POR: variants seen among roughly 807,000 people sequenced by gnomAD.
POR encodes the protein cytochrome p450 oxidoreductase, also known as NADPH--cytochrome P450 reductase.
A neutral mutation model predicts 84.0 loss-of-function variants in POR; 56 were observed. The ratio of observed to expected loss-of-function variants is 0.67; its 90% CI spans 0.54 to 0.83. The LOEUF (loss-of-function observed/expected upper bound fraction) is 0.83, where lower values mean the gene tolerates loss of function less well. Ranked by LOEUF, POR falls within the 40% of genes least tolerant of loss-of-function variation. The probability of loss-of-function intolerance (pLI) is 0.00; values close to 1 mark genes in which losing one functional copy is unlikely to be tolerated. For synonymous variants in POR, 414 were observed against 400.5 expected (o/e 1.03, Z -0.40); for missense variants, 938 against 944.3 (o/e 0.99, Z 0.09).
intron 2 of POR, among the ~76,000 whole-genome samples, chr7:75,955,367 C>G (rs1348613146): frequency 1.3e-5 from 2 of 152,212 alleles, no homozygotes; most frequent in African/African-American, 4.8e-5. Flanking sequence ...GAAGGTCTGC[C>G]TAAGTGACTG....
rs565028892 is a variant in POR, at chr7:75,937,399, G to A, written c.-4-16590G>A. Among the ~76,000 whole-genome samples the A allele has an allele frequency of 2.2e-3, 330 of 149,750 alleles. 2 individuals carry two copies. Among genetic ancestry groups the A allele is most frequent in the African/African-American group, 7.4e-3 (302 of 40,546 alleles). On this transcript the variant is annotated intron_variant, in intron 1 of 15. Transcript: ENST00000461988. ...AGGCAGGAGAATTGCTTGAACCTGG[G>A]AGGCGGAGGTTGCAGTGAGCCTAGA... is the stretch of plus-strand genomic sequence containing the variant.
chr7:75,933,016 C>T (rs1219284032), intron 1 of POR, among the ~76,000 whole-genome samples: 1 of 145,366 alleles, frequency 6.9e-6, no homozygotes, highest in Non-Finnish European at 1.5e-5. Flanking sequence ...CAGAGCGAGA[C>T]TCCATCTGAA....
chr7:75,923,770 C>A (rs1456159861), intron 1 of POR, among the ~76,000 whole-genome samples: 4 of 152,054 alleles, frequency 2.6e-5, no homozygotes, highest in African/African-American at 9.7e-5. Context: ...CGCCTGTAAT[C>A]CCAGCTACTG....
intron 1 of POR, among the ~76,000 whole-genome samples, chr7:75,934,793 C>T (rs1807588535): frequency 6.6e-6 from 1 of 152,212 alleles, no homozygotes; most frequent in Non-Finnish European, 1.5e-5. Flanking sequence ...GGGTGAAAGC[C>T]ATGAGCCTTG....
intron 12 of POR, 54 bp downstream of exon 12, chr7:75,985,261 C>A: frequency 7.2e-6 from 11 of 1,517,330 alleles, no homozygotes; most frequent in Non-Finnish European, 9.7e-6. Flanking sequence ...GCCCTGCTCA[C>A]AGCAGGCAGA....
At chr7:75,974,114 C>T (rs1375186744) in intron 3 of POR, among the ~76,000 whole-genome samples, 5 of 152,168 alleles carry the variant, frequency 3.3e-5, no homozygotes, top group African/African-American at 1.2e-4. Context: ...CACTGTAACG[C>T]ACTTAACCCT....
At chr7:75,971,660 A>T (rs570242441) in intron 2 of POR, among the ~76,000 whole-genome samples, 1 of 152,234 alleles carries the variant, frequency 6.6e-6, no homozygotes, top group East Asian at 1.9e-4. Context: ...GAGAAGGGAA[A>T]AATGAAATGT....
At chr7:75,933,270 C>T (rs1399366278) in intron 1 of POR, among the ~76,000 whole-genome samples, 4 of 151,232 alleles carry the variant, frequency 2.6e-5, no homozygotes, top group Non-Finnish European at 5.9e-5. Flanking sequence ...TGCATTACCT[C>T]ACACCTTTTT....
intron 1 of POR, among the ~76,000 whole-genome samples, chr7:75,919,325 C>T (rs1554548509): frequency 6.6e-6 from 1 of 151,854 alleles, no homozygotes; most frequent in African/African-American, 2.4e-5. Flanking sequence ...GAGATGTTTA[C>T]ATCAGTTGTG....
chr7:75,934,479 A>T (rs1269857880), intron 1 of POR, among the ~76,000 whole-genome samples: 1 of 152,148 alleles, frequency 6.6e-6, no homozygotes, highest in Non-Finnish European at 1.5e-5. Context: ...AGAAAGAAAA[A>T]ACTTTTTCAA....
intron 1 of POR, among the ~76,000 whole-genome samples, chr7:75,926,395 G>T (rs1807128255): frequency 6.6e-6 from 1 of 152,166 alleles, no homozygotes; most frequent in African/African-American, 2.4e-5. Flanking sequence ...AAGCAGCACG[G>T]CTCTGTTCCG....
intron 1 of POR, chr7:75,947,216 C>T (rs1241465919): frequency 2.6e-5 from 4 of 152,110 alleles, no homozygotes; most frequent in Admixed American, 6.5e-5. Flanking sequence ...ACTCCACAAA[C>T]GAAGGACATT....
chr7:75,931,157 C>T (rs1807398250), intron 1 of POR, among the ~76,000 whole-genome samples: 1 of 152,016 alleles, frequency 6.6e-6, no homozygotes, highest in African/African-American at 2.4e-5. Context: ...CAAAAGGAAA[C>T]AATCCAAGTA....
At position 75,985,046 on chromosome 7, in the gene POR, C is replaced by A; in HGVS notation, c.1249-12C>A. On this transcript the variant is annotated splice_polypyrimidine_tract_variant and intron_variant, in intron 11 of 15. Coordinates refer to ENST00000461988, the MANE Select transcript of POR (RefSeq NM_000941.3). The stretch of plus-strand genomic sequence containing the variant: ...GCCCCAATCAGCCCCATCTCACCCC[C>A]GTGTCTCTTAGGAGCTGTACCTGAG... The A allele has an allele frequency of 6.3e-7, 1 of 1,590,414 alleles. No homozygotes were observed. Among genetic ancestry groups the A allele is most frequent in the Non-Finnish European group, 8.5e-7 (1 of 1,172,112 alleles).
chr7:75,923,146 TC>T, intron 1 of POR: 1 of 1,043,324 alleles, frequency 9.6e-7, no homozygotes, highest in Non-Finnish European at 1.5e-6. Context: ...AAATCTGAAG[TC>T]TGTCCAGAAA....
chr7:75,978,350 T>C (rs1280196872), intron 3 of POR, among the ~76,000 whole-genome samples: 9 of 152,208 alleles, frequency 5.9e-5, no homozygotes, highest in African/African-American at 2.2e-4. Flanking sequence ...ACTGTCATCT[T>C]ACTGTTCCCT....
intron 1 of POR, among the ~76,000 whole-genome samples, chr7:75,917,671 T>C (rs1384353073): frequency 6.6e-6 from 1 of 151,734 alleles, no homozygotes; most frequent in Non-Finnish European, 1.5e-5. Context: ...TGAGATGGAG[T>C]CTCGCTCTGT....
chr7:75,945,770 C>A (rs1326931494), intron 1 of POR, among the ~76,000 whole-genome samples: 1 of 152,182 alleles, frequency 6.6e-6, no homozygotes, highest in African/African-American at 2.4e-5. Context: ...AAGTTTTATT[C>A]TTTCCTTTCT....
intron 1 of POR, among the ~76,000 whole-genome samples, chr7:75,938,184 T>TTCG (rs1399618107): frequency 6.6e-6 from 1 of 152,176 alleles, no homozygotes; most frequent in African/African-American, 2.4e-5. Flanking sequence ...GGTCATGTGT[T>TTCG]TCTAAATTAA....
Sources: allele counts gnomAD v4.1 joint callset (sites outside exome capture counted in the v4.1 genomes callset), GRCh38; gene constraint gnomAD v4.1.1; transcripts MANE v1.5; gene names NCBI Gene and HGNC (gene_info 2026-07-23, HGNC 2026-07-21).